RAG1: variants seen among roughly 807,000 people sequenced by gnomAD.
RAG1 encodes V(D)J recombination-activating protein 1.
In RAG1, 35 loss-of-function variants were observed where a neutral mutation model predicts 62.7. The ratio of observed to expected loss-of-function variants is 0.56; its 90% CI spans 0.43 to 0.74. The LOEUF (loss-of-function observed/expected upper bound fraction) is 0.74. Among genes scored for constraint, RAG1 ranks in the 30% least tolerant of loss-of-function variants. RAG1 has a pLI of 0.00. For missense variants in RAG1, 1,169 were observed against 1,278.6 expected (o/e 0.91, Z 1.31); for synonymous variants, 461 against 470.3 (o/e 0.98, Z 0.26).
intron 2 of RAG1, among the ~76,000 whole-genome samples, chr11:36,521,413 T>C (rs1276123737): frequency 6.6e-6 from 1 of 152,218 alleles, no homozygotes. Flanking sequence ...GGAGTCTCCC[T>C]GCCCAAACTC....
At chr11:36,563,189 C>T (rs768504961), upstream of RAG1, among the ~76,000 whole-genome samples, 5 of 152,176 alleles carry the variant, frequency 3.3e-5, no homozygotes, top group African/African-American at 4.8e-5. Flanking sequence ...GCTACTAAAA[C>T]GATTCTGGGT....
At chr11:36,510,862 A>T (rs948901949) in exon 1 of RAG1, 2 of 152,216 alleles carry the variant, frequency 1.3e-5, no homozygotes, top group African/African-American at 4.8e-5. Flanking sequence ...AAACGTCTAG[A>T]GAATGTACCA....
chr11:36,574,431 T>C lies in RAG1; in HGVS notation c.1127T>C (p.Ile376Thr). ...EVSLEKYNHH[I>T]SSHKESKEIF... is the part of the protein sequence containing the mutation. ...AGTTTGGAAAAATATAATCACCACA[T>C]CTCAAGTCACAAGGAATCAAAAGAG... Residue 376 changes from isoleucine (I) to threonine (T), a missense_variant, in exon 2 of 2, where the codon ATC (isoleucine) becomes ACC (threonine). Around this residue, in one of 2 missense-constraint regions of RAG1, gnomAD observed 800 missense variants for 943.3 expected, o/e 0.85. Transcript: ENST00000299440. 6.2e-7 allele frequency: 1 copy of C among 1,614,038 alleles called. No homozygotes were observed. The highest frequency in any genetic ancestry group is 1.1e-5 in the South Asian group (1 of 91,070).
At chr11:36,572,702 C>G (rs1027671899) in intron 1 of RAG1, among the ~76,000 whole-genome samples, 28 of 152,162 alleles carry the variant, frequency 1.8e-4, no homozygotes, top group African/African-American at 6.3e-4. Context: ...TATTAGTTTG[C>G]ATTCATAAAG....
chr11:36,517,620 C>G (rs193237509), intron 1 of RAG1, among the ~76,000 whole-genome samples: 151 of 152,300 alleles, frequency 9.9e-4, no homozygotes, highest in African/African-American at 3.0e-3. Context: ...CTCCTGCAAT[C>G]TTTACCCACA....
At position 36,576,579 on chromosome 11, in the gene RAG1, C is replaced by T; in HGVS notation, c.*143C>T. 1.0e-6 allele frequency: 1 copy of T among 968,120 alleles called. No individual in the cohort carries two copies. Among genetic ancestry groups the T allele is most frequent in the South Asian group, 1.5e-5 (1 of 67,934 alleles). 60.0% of individuals were successfully genotyped at this position (968,120 alleles called of 1,614,324 possible). A position where few individuals can be genotyped will look rare whatever the true frequency, so the allele number is the denominator to read the frequency against. Reference sequence around the variant, plus strand: ...AGGTTGGAGTAAGATGCTACAGATGCTCTCAAGTCAGGAATAGAAACTGAT... The same window carrying T: ...AGGTTGGAGTAAGATGCTACAGATGTTCTCAAGTCAGGAATAGAAACTGAT... On this transcript the variant is annotated 3_prime_UTR_variant, in exon 2 of 2. Transcript: ENST00000299440.
intron 2 of RAG1, among the ~76,000 whole-genome samples, chr11:36,523,331 ATGGGAGTTTC>A (rs1860110286): frequency 6.6e-6 from 1 of 152,196 alleles, no homozygotes; most frequent in Non-Finnish European, 1.5e-5. Context: ...GGTTTTAAAA[ATGGGAGTTTC>A]CCTGCACATG....
chr11:36,549,032 CT>C (rs1215833966), intron 3 of RAG1, among the ~76,000 whole-genome samples: 1 of 152,198 alleles, frequency 6.6e-6, no homozygotes, highest in Non-Finnish European at 1.5e-5. Flanking sequence ...AAAGGATTCC[CT>C]ATTTAATAAA....
exon 1 of RAG1, chr11:36,510,722 C>G (rs113165511): frequency 6.6e-6 from 1 of 152,240 alleles, no homozygotes; most frequent in Non-Finnish European, 1.5e-5. Flanking sequence ...ACCTGCTCTT[C>G]CCCTTCATCC....
chr11:36,565,114 A>C (rs1430038478), upstream of RAG1, among the ~76,000 whole-genome samples: 1 of 152,232 alleles, frequency 6.6e-6, no homozygotes, highest in Non-Finnish European at 1.5e-5. Context: ...ATGTTAGAAG[A>C]CAAGAGTTTT....
intron 3 of RAG1, among the ~76,000 whole-genome samples, chr11:36,558,415 A>T (rs1238234256): frequency 6.6e-6 from 1 of 152,168 alleles, no homozygotes; most frequent in Non-Finnish European, 1.5e-5. Flanking sequence ...CTCTCCCTTT[A>T]GATCTAATAC....
At chr11:36,538,872 A>T (rs1860371868), downstream of RAG1, among the ~76,000 whole-genome samples, 1 of 152,132 alleles carries the variant, frequency 6.6e-6, no homozygotes, top group African/African-American at 2.4e-5. Flanking sequence ...CCCATCTCCA[A>T]GCTGGAACCT....
chr11:36,557,741 G>C (rs188898432), intron 3 of RAG1, among the ~76,000 whole-genome samples: 23 of 152,280 alleles, frequency 1.5e-4, no homozygotes, highest in African/African-American at 5.3e-4. Context: ...AATTCAACCT[G>C]TAACAATAAT....
intron 2 of RAG1, among the ~76,000 whole-genome samples, chr11:36,526,408 T>C (rs866195116): frequency 2.6e-5 from 4 of 152,280 alleles, no homozygotes; most frequent in Middle Eastern, 3.4e-3. Flanking sequence ...GCAAAGGACA[T>C]GAACTCATCC....
At chr11:36,566,517 C>A (rs1850664256), upstream of RAG1, 1 of 152,238 alleles carries the variant, frequency 6.6e-6, no homozygotes, top group East Asian at 1.9e-4. Context: ...TTTTAAGGAG[C>A]AGGAGGATGG....
rs997340430 is a variant in RAG1 at position 36,576,470 on chromosome 11, T to C, written c.*34T>C. 2.5e-6 allele frequency: 4 copies of C among 1,612,500 alleles called. No homozygotes were observed. Among genetic ancestry groups the C allele is most frequent in the Non-Finnish European group, 2.5e-6 (3 of 1,179,182 alleles). ...ACCACTTATGAGTTGGTTTTTGCAA[T>C]TGAGTTTCCCTCTGGGTTGCATTGA... On this transcript the variant is annotated 3_prime_UTR_variant, in exon 2 of 2. Coordinates refer to ENST00000299440, the MANE Select transcript of RAG1 (RefSeq NM_000448.3).
intron 3 of RAG1, among the ~76,000 whole-genome samples, chr11:36,542,380 G>A (rs972999088): frequency 4.6e-5 from 7 of 152,108 alleles, no homozygotes; most frequent in African/African-American, 1.2e-4. Flanking sequence ...GTTTATTATC[G>A]ACCTCTATCT....
chr11:36,549,946 T>C (rs1169851323), intron 3 of RAG1, among the ~76,000 whole-genome samples: 1 of 152,108 alleles, frequency 6.6e-6, no homozygotes, highest in African/African-American at 2.4e-5. Flanking sequence ...CAGAAAAGGA[T>C]GAGTTCATGT....
At chr11:36,557,440 G>A (rs961690482) in intron 3 of RAG1, among the ~76,000 whole-genome samples, 1 of 144,822 alleles carries the variant, frequency 6.9e-6, no homozygotes, top group Non-Finnish European at 1.5e-5. Flanking sequence ...GCGCTTCCCA[G>A]GTGAGGCAAT....
Sources: allele counts gnomAD v4.1 joint callset (sites outside exome capture counted in the v4.1 genomes callset), GRCh38; gene constraint gnomAD v4.1.1; regional missense constraint gnomAD v4.1.1; transcripts MANE v1.5; gene names NCBI Gene and HGNC (gene_info 2026-07-23, HGNC 2026-07-21).